The following SPECC1 variants were observed in gnomAD, a reference collection of about 807,000 sequenced individuals.
SPECC1 encodes cytospin-B.
Under a neutral mutation model 104.1 loss-of-function variants are expected in SPECC1, and 62 were observed. The ratio of observed to expected loss-of-function variants is 0.60; its 90% CI spans 0.49 to 0.74. The LOEUF is 0.74. Ranked by LOEUF, SPECC1 falls within the 30% of genes least tolerant of loss-of-function variation. The pLI is 0.00. For missense variants in SPECC1, 1,306 were observed against 1,310.5 expected (o/e 1.00, Z 0.05); for synonymous variants, 513 against 501.6 (o/e 1.02, Z -0.30).
intron 1 of SPECC1, among the ~76,000 whole-genome samples, chr17:20,026,403 C>G (rs1018036549): frequency 6.6e-6 from 1 of 152,106 alleles, no homozygotes; most frequent in Non-Finnish European, 1.5e-5. Context: ...CCCTACAGTT[C>G]TATAGAACAC....
intron 3 of SPECC1, among the ~76,000 whole-genome samples, chr17:20,162,050 C>T (rs28461983): frequency 1.1e-4 from 16 of 152,216 alleles, no homozygotes; most frequent in African/African-American, 3.9e-4. Flanking sequence ...CCACCTGGGC[C>T]TCCCAAATTG....
Position 20,009,359 on chromosome 17 carries a change from G to A in SPECC1, c.-87G>A, listed in dbSNP as rs1379424094. ...CCGGCGGAGCGCGGGTCCCTCTCCT[G>A]AGCATCAGTGAGCGCCCGGAGCCGT... On this transcript the variant is annotated 5_prime_UTR_variant, in exon 1 of 15. Transcript: ENST00000395527. The surrounding 1 kb of genome is among the most constrained non-coding windows in gnomAD (Gnocchi z 5.2). 6.6e-6 allele frequency: 1 copy of A among 151,594 alleles called. No homozygotes were observed. The highest frequency in any genetic ancestry group is 2.4e-5 in the African/African-American group (1 of 40,940). The allele number at this position is 151,594 out of a possible 1,614,324, so 9.4% of individuals were successfully genotyped here.
chr17:20,227,352 A>G, intron 4 of SPECC1, 61 bp from the exon 5 acceptor site: 2 of 1,468,838 alleles, frequency 1.4e-6, no homozygotes, highest in Non-Finnish European at 1.9e-6. Flanking sequence ...CTTCTAGTGT[A>G]CAGATCACTG....
intron 7 of SPECC1, chr17:20,238,543 T>TCTTTAAA (rs1384033434): frequency 5.8e-6 from 6 of 1,042,384 alleles, no homozygotes; most frequent in Non-Finnish European, 6.9e-6. Flanking sequence ...CTCTTTAAAC[T>TCTTTAAA]CAGGAAGATC....
intron 7 of SPECC1, chr17:20,236,953 A>G (rs1243503255): frequency 1.4e-5 from 23 of 1,610,884 alleles, no homozygotes; most frequent in Non-Finnish European, 1.9e-5. Flanking sequence ...TCTAGATGAA[A>G]GGGGGAATGT....
intron 3 of SPECC1, among the ~76,000 whole-genome samples, chr17:20,172,660 G>A (rs1303681681): frequency 6.6e-6 from 1 of 152,178 alleles, no homozygotes; most frequent in Non-Finnish European, 1.5e-5. Flanking sequence ...GGAGAGACAT[G>A]GGGAGGAAGA....
intron 1 of SPECC1, among the ~76,000 whole-genome samples, chr17:20,012,316 T>C (rs7207459): frequency 0.069 from 10,506 of 152,130 alleles, 984 homozygotes; most frequent in African/African-American, 0.21. Flanking sequence ...ATTTTTTTTC[T>C]CTGTTTGACC....
intron 7 of SPECC1, among the ~76,000 whole-genome samples, chr17:20,241,172 A>G (rs2039183133): frequency 6.6e-6 from 1 of 152,178 alleles, no homozygotes; most frequent in African/African-American, 2.4e-5. Context: ...TAGAGTAGAG[A>G]AGGGTGAGTG....
At chr17:20,079,919 G>A (rs1320457152) in intron 1 of SPECC1, among the ~76,000 whole-genome samples, 1 of 152,154 alleles carries the variant, frequency 6.6e-6, no homozygotes, top group Middle Eastern at 3.2e-3. Context: ...CTGCATCGCT[G>A]CAGTCTCTCC....
intron 12 of SPECC1, among the ~76,000 whole-genome samples, chr17:20,270,431 A>AC (rs1359194738): frequency 1.3e-5 from 1 of 78,150 alleles, no homozygotes; most frequent in Non-Finnish European, 2.2e-5. Flanking sequence ...CCCTGTCTTT[A>AC]CCAAAAAAAA....
At chr17:20,309,470 C>T (rs899337487) in intron 14 of SPECC1, among the ~76,000 whole-genome samples, 2 of 152,138 alleles carry the variant, frequency 1.3e-5, no homozygotes, top group African/African-American at 4.8e-5. Flanking sequence ...CTGGATGATG[C>T]TGAGGTTTGG....
chr17:20,128,294 T>C (rs902739380), intron 3 of SPECC1, among the ~76,000 whole-genome samples: 1 of 152,230 alleles, frequency 6.6e-6, no homozygotes, highest in Non-Finnish European at 1.5e-5. Flanking sequence ...AGCAAAGTAC[T>C]GTCTTTCCTT....
At chr17:20,150,620 C>T (rs2031920105) in intron 3 of SPECC1, among the ~76,000 whole-genome samples, 2 of 148,974 alleles carry the variant, frequency 1.3e-5, no homozygotes, top group Non-Finnish European at 3.0e-5. Flanking sequence ...ACCTGGGCAA[C>T]GAGTGAAACT....
At chr17:20,035,905 A>G (rs1597595460) in intron 1 of SPECC1, among the ~76,000 whole-genome samples, 1 of 151,904 alleles carries the variant, frequency 6.6e-6, no homozygotes, top group African/African-American at 2.4e-5. Flanking sequence ...CAACACTGCA[A>G]CCTCTGCCTC....
At chr17:20,185,815 T>C (rs2035233993) in intron 3 of SPECC1, among the ~76,000 whole-genome samples, 1 of 152,148 alleles carries the variant, frequency 6.6e-6, no homozygotes, top group Non-Finnish European at 1.5e-5. Context: ...AGTCTTCAAG[T>C]GTGGTGTCCT....
At chr17:20,240,949 G>A (rs1024942400) in intron 7 of SPECC1, among the ~76,000 whole-genome samples, 2 of 152,144 alleles carry the variant, frequency 1.3e-5, no homozygotes, top group South Asian at 2.1e-4. Context: ...TGTTTGCATC[G>A]AGCAGGGCAT....
chr17:20,251,701 A>G (rs2039639309), intron 9 of SPECC1, among the ~76,000 whole-genome samples: 2 of 152,200 alleles, frequency 1.3e-5, no homozygotes. Flanking sequence ...ATATCAATAG[A>G]GAATCAGTAA....
At position 20,123,452 on chromosome 17, in the gene SPECC1, A is replaced by G. The variant is rs144838531; in HGVS notation, c.283+12890A>G. Among the ~76,000 whole-genome samples, 4 of 152,296 alleles carry G rather than the reference A, an allele frequency of 2.6e-5. No individual in the cohort carries two copies. The East Asian group carries it at 7.7e-4, about 29-fold the overall frequency. Reference sequence around the variant, plus strand: ...TCCTCGCTGATACCTGGACCCCTGCATGCTCCCAGTTACCTGCATCACAAC... The same window carrying G: ...TCCTCGCTGATACCTGGACCCCTGCGTGCTCCCAGTTACCTGCATCACAAC... On this transcript the variant is annotated intron_variant, in intron 3 of 14. Coordinates refer to ENST00000395527, the MANE Select transcript of SPECC1 (RefSeq NM_001243439.2).
rs1021481014 is a variant in SPECC1, at chr17:20,046,223, G to C, written c.-22+36799G>C. On this transcript the variant is annotated intron_variant, in intron 1 of 14. Transcript: ENST00000395527. Reference sequence around the variant, plus strand: ...AGCCTCCTGAGTAGCTGGGATTGCAGATTTGAGCCACAGTGCCTGGCAGAG... The same window carrying C: ...AGCCTCCTGAGTAGCTGGGATTGCACATTTGAGCCACAGTGCCTGGCAGAG... Among the ~76,000 whole-genome samples the C allele has an allele frequency of 5.3e-5, 8 of 152,242 alleles. No homozygotes were observed. In the East Asian group the frequency reaches 1.5e-3, roughly 29 times the overall value.
Sources: gnomAD v4.1 joint callset for allele counts (sites outside exome capture counted in the v4.1 genomes callset) on GRCh38, gnomAD v4.1.1 for gene constraint, Gnocchi (gnomAD v3.1) non-coding constraint, MANE v1.5 for transcripts, NCBI Gene and HGNC (gene_info 2026-07-23, HGNC 2026-07-21) for gene names.